The following RCC1L variants were observed in gnomAD, a reference collection of about 807,000 sequenced individuals.
The protein encoded by RCC1L is RCC1 like, also known as RCC1-like G exchanging factor-like protein.
Under a neutral mutation model 58.6 loss-of-function variants are expected in RCC1L, and 46 were observed. The observed-to-expected ratio is 0.79, with a 90% CI of 0.62 to 1.00. The LOEUF is 1.00. Ranked by LOEUF, RCC1L falls within the 50% of genes least tolerant of loss-of-function variation. The probability of loss-of-function intolerance (pLI) is 0.00; values close to 1 mark genes in which losing one functional copy is unlikely to be tolerated. For missense variants in RCC1L, 636 were observed against 623.6 expected, an observed-to-expected ratio of 1.02 and a Z score of -0.21; for synonymous variants, 281 against 262.9, an observed-to-expected ratio of 1.07 and a Z score of -0.67.
At chr7:75,046,883 C>T (rs1480316133) in intron 10 of RCC1L, among the ~76,000 whole-genome samples, 2 of 152,082 alleles carry the variant, frequency 1.3e-5, no homozygotes, top group African/African-American at 4.8e-5. Context: ...GTGAGTCCTT[C>T]GTGGGGACAA....
exon 11 of RCC1L, chr7:75,027,941 C>A: frequency 7.2e-7 from 1 of 1,385,930 alleles, no homozygotes; most frequent in Non-Finnish European, 9.9e-7. Flanking sequence ...GGCCCCAGAC[C>A]CCACTTGGAG....
chr7:75,056,169 CA>C, intron 8 of RCC1L, 95 bp from the exon 9 acceptor site: 1 of 1,437,468 alleles, frequency 7.0e-7, no homozygotes. Flanking sequence ...TTATGACATC[CA>C]CACGGTTTTT....
chr7:75,067,097 T>C (rs1344409087), intron 2 of RCC1L, among the ~76,000 whole-genome samples: 1 of 150,818 alleles, frequency 6.6e-6, no homozygotes, highest in Non-Finnish European at 1.5e-5. Context: ...AGGTCAGGAG[T>C]TCGAGACTAG....
At chr7:75,046,981 G>A (rs1484287160) in intron 10 of RCC1L, among the ~76,000 whole-genome samples, 6 of 151,886 alleles carry the variant, frequency 4.0e-5, no homozygotes, top group African/African-American at 1.2e-4. Flanking sequence ...TCAATGAGAC[G>A]GAGTCTCGCT....
chr7:75,060,134 C>T (rs1379032156), intron 6 of RCC1L, among the ~76,000 whole-genome samples: 1 of 152,218 alleles, frequency 6.6e-6, no homozygotes, highest in Non-Finnish European at 1.5e-5. Flanking sequence ...AGTATGTAGC[C>T]TTTTCAGATA....
rs587666401 is a variant in RCC1L, at chr7:75,066,555, T to C, written c.583+109A>G. On this transcript the variant is annotated intron_variant, in intron 3 of 10. Coordinates refer to ENST00000610322, the MANE Select transcript of RCC1L (RefSeq NM_030798.5). ...CTGCTCAGGAAATACCACATTTCAC[T>C]CATTAGATGTGGCTCAATCGATCAA... 1.2e-3 allele frequency: 1,754 copies of C among 1,450,512 alleles called. 2 individuals are homozygous for C. Among genetic ancestry groups the C allele is most frequent in the Admixed American group, 1.7e-3 (88 of 50,328 alleles). The allele number at this position is 1,450,512 out of a possible 1,614,324, so 89.9% of individuals were successfully genotyped here.
intron 10 of RCC1L, among the ~76,000 whole-genome samples, chr7:75,034,298 C>G (rs1805386746): frequency 6.6e-6 from 1 of 152,106 alleles, no homozygotes; most frequent in African/African-American, 2.4e-5. Context: ...GGCGGATTGT[C>G]TGAGCTCAGA....
In RCC1L at chr7:75,057,514, G is replaced by A. The variant is rs2131994357; in HGVS notation, c.1057+15C>T. 1 of 1,613,660 alleles carries A rather than the reference G, an allele frequency of 6.2e-7. No individual in the cohort carries two copies. Among genetic ancestry groups the A allele is most frequent in the East Asian group, 2.2e-5 (1 of 44,872 alleles). On this transcript the variant is annotated intron_variant, in intron 8 of 10. Transcript: ENST00000610322. ...CCTACAGCTTCCCAATGAGCCACCG[G>A]AAAGAAGGTCTCACCGTTTAACACT... is the stretch of plus-strand genomic sequence containing the variant.
Position 75,073,491 on chromosome 7 carries a change from C to T in RCC1L, c.247G>A (p.Gly83Arg), listed in dbSNP as rs1237148526. The T allele has an allele frequency of 3.6e-6, 5 of 1,391,830 alleles. No homozygotes were observed. The highest frequency in any genetic ancestry group is 3.7e-6 in the Non-Finnish European group (4 of 1,078,408). The allele number at this position is 1,391,830 out of a possible 1,614,324, so 86.2% of individuals were successfully genotyped here. ...GVPSFVVPSSGPGPRAGARPR... is the reference protein window; with the variant it reads ...GVPSFVVPSSRPGPRAGARPR... ...CGGGCGCCGGCGCGGGGCCCGGGCCCGGAGCTGGGCACCACAAAGGAAGGC... is the reference window on the plus strand; with the variant it reads ...CGGGCGCCGGCGCGGGGCCCGGGCCTGGAGCTGGGCACCACAAAGGAAGGC... Residue 83 changes from glycine (G) to arginine (R), a missense_variant, in exon 1 of 11, where the codon GGG becomes AGG. Gly to Arg is a moderately radical substitution (Grantham distance 125). Transcript: ENST00000610322.
At chr7:75,041,324 C>T (rs1554442242), downstream of RCC1L, among the ~76,000 whole-genome samples, 1 of 152,140 alleles carries the variant, frequency 6.6e-6, no homozygotes, top group East Asian at 1.9e-4. Context: ...TCATATGCTG[C>T]TTCTCATTTT....
chr7:75,067,304 A>G (rs76990765), intron 2 of RCC1L, among the ~76,000 whole-genome samples: 1 of 144,164 alleles, frequency 6.9e-6, no homozygotes, highest in African/African-American at 2.6e-5. Context: ...TTCATCTGGA[A>G]AAAAAAAAAA....
At chr7:75,067,338 A>G (rs1554445308) in intron 2 of RCC1L, among the ~76,000 whole-genome samples, 1 of 148,474 alleles carries the variant, frequency 6.7e-6, no homozygotes, top group African/African-American at 2.5e-5. Context: ...TCTTCTTATT[A>G]AAGAAATCTT....
chr7:75,037,021 C>T (rs943645878), intron 10 of RCC1L, among the ~76,000 whole-genome samples: 17 of 152,176 alleles, frequency 1.1e-4, no homozygotes, highest in Middle Eastern at 3.2e-3. Flanking sequence ...GGAACTCAAA[C>T]GGGGCATCCT....
intron 10 of RCC1L, among the ~76,000 whole-genome samples, chr7:75,047,933 T>C (rs1313564920): frequency 1.8e-5 from 2 of 111,494 alleles, no homozygotes; most frequent in African/African-American, 3.5e-5. Flanking sequence ...AGATGAGCCA[T>C]AGCGCCTGGC....
chr7:75,044,100 G>A (rs1158170674), intron 10 of RCC1L, among the ~76,000 whole-genome samples: 1 of 152,158 alleles, frequency 6.6e-6, no homozygotes, highest in Non-Finnish European at 1.5e-5. Context: ...GGAGGCTCTA[G>A]CCTGTTGGAA....
chr7:75,027,971 G>A (rs1563067149), exon 11 of RCC1L: 3 of 1,504,460 alleles, frequency 2.0e-6, no homozygotes, highest in Non-Finnish European at 2.7e-6. Context: ...TTTCTCAGAG[G>A]GGCTCCATCC....
rs782631271 is a variant in RCC1L, at chr7:75,073,771, C to T, written c.-34G>A. On this transcript the variant is annotated 5_prime_UTR_variant, in exon 1 of 11. Transcript: ENST00000610322. ...CCGCGCCTCAGCAGCCTCTGGGCGC[C>T]GCCATCTTGCGTGACCCTTAACACC... The T allele has an allele frequency of 3.4e-6, 5 of 1,491,702 alleles. No homozygotes were observed. Among genetic ancestry groups the T allele is most frequent in the Non-Finnish European group, 4.4e-6 (5 of 1,128,552 alleles). The allele number at this position is 1,491,702 out of a possible 1,614,324, so 92.4% of individuals were successfully genotyped here.
At chr7:75,031,743 C>T (rs1009335295) in intron 10 of RCC1L, among the ~76,000 whole-genome samples, 16 of 152,150 alleles carry the variant, frequency 1.1e-4, no homozygotes, top group Non-Finnish European at 1.3e-4. Context: ...AGCGGCTTAA[C>T]ATGATCATTA....
intron 6 of RCC1L, 45 bp downstream of exon 6, chr7:75,061,162 C>A: frequency 6.6e-7 from 1 of 1,512,322 alleles, no homozygotes; most frequent in Non-Finnish European, 9.2e-7. Flanking sequence ...CCACATGACA[C>A]GGGCTGAGAA....
Sources: allele counts gnomAD v4.1 joint callset (sites outside exome capture counted in the v4.1 genomes callset), GRCh38; gene constraint gnomAD v4.1.1; transcripts MANE v1.5; gene names NCBI Gene and HGNC (gene_info 2026-07-23, HGNC 2026-07-21).